The following MYO3B variants were observed in gnomAD, a reference collection of about 807,000 sequenced individuals.
MYO3B encodes myosin-IIIb.
A neutral mutation model predicts 174.6 loss-of-function variants in MYO3B; 156 were observed. The ratio of observed to expected loss-of-function variants is 0.89; its 90% confidence interval spans 0.78 to 1.02. The LOEUF is 1.02. Ranked by LOEUF, MYO3B falls within the 50% of genes least tolerant of loss-of-function variation. The pLI is 0.00. For missense variants in MYO3B, 1,632 were observed against 1,639.4 expected (o/e 1.00, Z 0.08); for synonymous variants, 563 against 569.1 (o/e 0.99, Z 0.15).
chr2:170,451,418 A>G (rs944576396), intron 23 of MYO3B, among the ~76,000 whole-genome samples: 9 of 152,254 alleles, frequency 5.9e-5, no homozygotes, highest in African/African-American at 2.2e-4. Flanking sequence ...ACAGTTTTCA[A>G]AAGTCAAAGA....
chr2:170,528,949 T>G (rs557635575), intron 30 of MYO3B, among the ~76,000 whole-genome samples: 7 of 152,200 alleles, frequency 4.6e-5, no homozygotes, highest in Non-Finnish European at 7.3e-5. Context: ...GCTCACGTGC[T>G]CTCTGGAAAA....
intron 7 of MYO3B, among the ~76,000 whole-genome samples, chr2:170,291,223 TG>T (rs1199345557): frequency 4.6e-5 from 7 of 152,102 alleles, no homozygotes; most frequent in African/African-American, 1.7e-4. Context: ...CACTCCAGCC[TG>T]GGCCAACAAC....
At chr2:170,438,090 G>C (rs936007474) in intron 22 of MYO3B, among the ~76,000 whole-genome samples, 1 of 151,938 alleles carries the variant, frequency 6.6e-6, no homozygotes, top group Non-Finnish European at 1.5e-5. Context: ...CCACTTCCTC[G>C]TGTCCCCAGC....
intron 32 of MYO3B, among the ~76,000 whole-genome samples, chr2:170,573,481 C>A (rs756272538): frequency 2.6e-5 from 4 of 152,074 alleles, no homozygotes; most frequent in Non-Finnish European, 2.9e-5. Flanking sequence ...GTCTAGGTTA[C>A]TGTTTATTTT....
At chr2:170,553,966 G>T (rs1349346472) in intron 32 of MYO3B, among the ~76,000 whole-genome samples, 2 of 152,078 alleles carry the variant, frequency 1.3e-5, no homozygotes, top group East Asian at 1.9e-4. Context: ...TTTACCTTCT[G>T]CCAGAACTGT....
chr2:170,336,417 T>G (rs751869882), intron 8 of MYO3B, among the ~76,000 whole-genome samples: 1 of 152,104 alleles, frequency 6.6e-6, no homozygotes, highest in African/African-American at 2.4e-5. Flanking sequence ...TAAAGCAAAG[T>G]GGGTCTTTTG....
intron 27 of MYO3B, among the ~76,000 whole-genome samples, chr2:170,500,982 G>T (rs145221911): frequency 2.0e-5 from 3 of 152,326 alleles, no homozygotes; most frequent in East Asian, 3.9e-4. Flanking sequence ...CAAAGTGGAT[G>T]ATTTCCCTTA....
chr2:170,238,367 T>C (rs2093094806), intron 7 of MYO3B, among the ~76,000 whole-genome samples: 2 of 149,662 alleles, frequency 1.3e-5, no homozygotes, highest in South Asian at 4.2e-4. Context: ...TCTCTCTTTC[T>C]CTCTCTCTCT....
At chr2:170,623,539 T>C (rs1348041322) in intron 32 of MYO3B, among the ~76,000 whole-genome samples, 1 of 152,204 alleles carries the variant, frequency 6.6e-6, no homozygotes, top group Non-Finnish European at 1.5e-5. Context: ...TTCACTCTGA[T>C]GGTAGTTTCT....
At chr2:170,468,822 A>G (rs993992223) in intron 25 of MYO3B, among the ~76,000 whole-genome samples, 8 of 152,190 alleles carry the variant, frequency 5.3e-5, no homozygotes, top group Admixed American at 4.6e-4. Flanking sequence ...GGGCAAACAC[A>G]TAACTGCATG....
intron 22 of MYO3B, among the ~76,000 whole-genome samples, chr2:170,440,081 T>C (rs1461264806): frequency 1.3e-5 from 2 of 152,210 alleles, no homozygotes; most frequent in East Asian, 3.8e-4. Flanking sequence ...ATGTGGATAT[T>C]CACTTTTCCT....
At chr2:170,440,099 T>C (rs186220207) in intron 22 of MYO3B, among the ~76,000 whole-genome samples, 1 of 152,310 alleles carries the variant, frequency 6.6e-6, no homozygotes, top group African/African-American at 2.4e-5. Flanking sequence ...CCTAACACTG[T>C]TTGTTGAAGA....
At chr2:170,447,563 C>A (rs910954095) in intron 23 of MYO3B, among the ~76,000 whole-genome samples, 1 of 152,136 alleles carries the variant, frequency 6.6e-6, no homozygotes, top group African/African-American at 2.4e-5. Flanking sequence ...ACAAATGAGG[C>A]AAATCTTTTT....
intron 30 of MYO3B, among the ~76,000 whole-genome samples, chr2:170,531,416 A>G (rs1221851263): frequency 6.6e-6 from 1 of 152,172 alleles, no homozygotes; most frequent in East Asian, 1.9e-4. Flanking sequence ...ACTACAGGGT[A>G]AGAACTTCAT....
intron 7 of MYO3B, among the ~76,000 whole-genome samples, chr2:170,286,334 G>T (rs1321131382): frequency 6.6e-6 from 1 of 152,112 alleles, no homozygotes; most frequent in African/African-American, 2.4e-5. Context: ...TTAACCTAAA[G>T]CTGGGGGCAT....
chr2:170,558,428 C>T (rs1342699013), intron 32 of MYO3B, among the ~76,000 whole-genome samples: 1 of 152,050 alleles, frequency 6.6e-6, no homozygotes, highest in Non-Finnish European at 1.5e-5. Context: ...CATCAGCATG[C>T]CCTTTCAGGA....
intron 32 of MYO3B, among the ~76,000 whole-genome samples, chr2:170,559,600 T>C (rs941321047): frequency 6.6e-6 from 1 of 152,198 alleles, no homozygotes; most frequent in African/African-American, 2.4e-5. Flanking sequence ...GATATATCTC[T>C]TATTAAACAA....
chr2:170,609,011 G>C (rs1694984670), intron 32 of MYO3B, among the ~76,000 whole-genome samples: 1 of 152,174 alleles, frequency 6.6e-6, no homozygotes, highest in Non-Finnish European at 1.5e-5. Context: ...TTAAGACATT[G>C]CTTAAATTTT....
intron 5 of MYO3B, 149 bp from the exon 6 acceptor site, chr2:170,217,170 T>G: frequency 1.5e-6 from 1 of 657,564 alleles, no homozygotes; most frequent in Non-Finnish European, 2.8e-6. Context: ...GCTTTTGTAC[T>G]ATTGCAGCAG....
Sources: allele counts gnomAD v4.1 joint callset (sites outside exome capture counted in the v4.1 genomes callset), GRCh38; gene constraint gnomAD v4.1.1; transcripts MANE v1.5; gene names NCBI Gene and HGNC (gene_info 2026-07-23, HGNC 2026-07-21).